ULBP1: variants seen among roughly 807,000 people sequenced by gnomAD.
ULBP1 encodes the protein UL16-binding protein 1.
ULBP1 carries 28 observed loss-of-function variants against 25.3 expected under a neutral mutation model. The observed-to-expected ratio is 1.10, with a 90% CI of 0.82 to 1.51. ULBP1 has a LOEUF of 1.51. Among genes scored for constraint, ULBP1 ranks in the 40% most tolerant of loss-of-function variants. The pLI, the probability that ULBP1 is intolerant of heterozygous loss-of-function variation, is 0.00. For missense variants in ULBP1, 348 were observed against 290.9 expected, an observed-to-expected ratio of 1.20 and a Z score of -1.43; for synonymous variants, 129 against 103.0, an observed-to-expected ratio of 1.25 and a Z score of -1.53.
At position 149,970,052 on chromosome 6, in the gene ULBP1, A is replaced by G; in HGVS notation, c.662A>G (p.Lys221Arg). 1 of 1,613,602 alleles carries G rather than the reference A, an allele frequency of 6.2e-7. No individual in the cohort carries two copies. Among genetic ancestry groups the G allele is most frequent in the Non-Finnish European group, 8.5e-7 (1 of 1,179,820 alleles). ...CTGGCCCCAGGCACAACCCAACCCA[A>G]GGCCATGGCCACCACCCTCAGTCCC... is the stretch of plus-strand genomic sequence containing the variant. ...PSLAPGTTQP[K>R]AMATTLSPWS... Residue 221 changes from lysine (K) to arginine (R), a missense_variant, in exon 4 of 5, where the codon AAG (lysine) becomes AGG (arginine). By Grantham distance (26) the Lys-to-Arg change is conservative (BLOSUM62 2). Transcript: ENST00000229708.
Position 149,970,147 on chromosome 6 carries a change from G to A in ULBP1, c.*22G>A, listed in dbSNP as rs148991652. On this transcript the variant is annotated splice_region_variant and 3_prime_UTR_variant, in exon 4 of 5. Coordinates refer to ENST00000229708, the MANE Select transcript of ULBP1 (RefSeq NM_025218.4). ...ATGAGGAGAGTTGTTTAGAGTGACA[G>A]GTACTGTGGGCAATATTGGGAGGGG... 1.8e-3 allele frequency: 2,888 copies of A among 1,582,538 alleles called. 2 individuals carry two copies. Among genetic ancestry groups the A allele is most frequent in the Non-Finnish European group, 2.4e-3 (2,743 of 1,163,592 alleles).
chr6:149,965,631 C>CTGCTA (rs1218457049), intron 1 of ULBP1, among the ~76,000 whole-genome samples: 3 of 152,172 alleles, frequency 2.0e-5, no homozygotes, highest in Non-Finnish European at 4.4e-5. Context: ...AGCCACAGCC[C>CTGCTA]TGCTCTGCTC....
rs117856701 is a variant in ULBP1 at position 149,967,582 on chromosome 6, T to C, written c.86-1025T>C. 5.0e-3 allele frequency among the ~76,000 whole-genome samples: 768 copies of C among 152,350 alleles called. 4 individuals are homozygous for C. The highest frequency in any genetic ancestry group is 0.011 in the Admixed American group (165 of 15,310). ...TGTTGTAATTATTTATATCTAGCAG[T>C]ATCCGGGTTGAGTTTCCATTTCTTT... On this transcript the variant is annotated intron_variant, in intron 1 of 4. Coordinates refer to ENST00000229708, the MANE Select transcript of ULBP1 (RefSeq NM_025218.4).
Position 149,968,698 on chromosome 6 carries a change from G to C in ULBP1, c.177G>C (p.Arg59Ser), listed in dbSNP as rs575290293. 2.5e-6 allele frequency: 4 copies of C among 1,614,228 alleles called. No individual in the cohort carries two copies. In the African/African-American group the frequency reaches 4.0e-5, roughly 16 times the overall value. The change falls in exon 2 of 5, where the codon AGG becomes AGC. Residue 59 changes from arginine (R) to serine (S), a missense_variant. Arg to Ser is a moderately radical substitution (Grantham distance 110). Coordinates refer to ENST00000229708, the MANE Select transcript of ULBP1 (RefSeq NM_025218.4). ...AAGTTCAAGGCCTGGTGGATGAAAG[G>C]CCTTTTCTTCACTATGACTGTGTTA... ...WCEVQGLVDE[R>S]PFLHYDCVNH...
rs777983411 is a variant in ULBP1, at chr6:149,969,266, T to C, written c.531T>C (p.Asp177=). 4 of 1,614,260 alleles carry C rather than the reference T, an allele frequency of 2.5e-6. No homozygotes were observed. In the East Asian group the frequency reaches 6.7e-5, roughly 27 times the overall value. ...CAGAGAAGTGGGAGAAGAACAGGGATGTGACCATGTTCTTCCAGAAGATTT... is the reference window on the plus strand; with the variant it reads ...CAGAGAAGTGGGAGAAGAACAGGGACGTGACCATGTTCTTCCAGAAGATTT... ...KMTEKWEKNR[D]VTMFFQKISL... is the part of the protein sequence containing the mutation. The change falls in exon 3 of 5, where the codon GAT becomes GAC. Residue 177 remains aspartate, a synonymous_variant. Coordinates refer to ENST00000229708, the MANE Select transcript of ULBP1 (RefSeq NM_025218.4).
At chr6:149,964,970 T>C (rs1278275027) in intron 1 of ULBP1, among the ~76,000 whole-genome samples, 5 of 142,688 alleles carry the variant, frequency 3.5e-5, no homozygotes, top group Non-Finnish European at 6.1e-5. Context: ...TCGCCGAACA[T>C]GCCCGGCTGA....
At chr6:149,969,928 G>A in intron 3 of ULBP1, 88 bp from the exon 4 acceptor site, 1 of 1,502,588 alleles carries the variant, frequency 6.7e-7, no homozygotes, top group Middle Eastern at 1.7e-4. Context: ...CTGCCTTCCA[G>A]GATGACCTGG....
chr6:149,967,842 A>T (rs1453393235), intron 1 of ULBP1, among the ~76,000 whole-genome samples: 1 of 152,118 alleles, frequency 6.6e-6, no homozygotes, highest in African/African-American at 2.4e-5. Context: ...AGCAACAGGC[A>T]TTCCTGGGCT....
chr6:149,967,725 C>G (rs1395769591), intron 1 of ULBP1, among the ~76,000 whole-genome samples: 3 of 152,136 alleles, frequency 2.0e-5, no homozygotes, highest in Admixed American at 1.3e-4. Flanking sequence ...TTCCTGCTGA[C>G]AGTTGACGGC....
rs375421849 is a variant in ULBP1 at position 149,968,682 on chromosome 6, G to T, written c.161G>T (p.Gly54Val). 1.9e-6 allele frequency: 3 copies of T among 1,614,006 alleles called. No individual in the cohort carries two copies. Among genetic ancestry groups the T allele is most frequent in the African/African-American group, 1.3e-5 (1 of 74,890 alleles). Residue 54 changes from glycine (G) to valine (V), a missense_variant, in exon 2 of 5, where the codon GGC (glycine) becomes GTC (valine). Gly to Val is a moderately radical substitution (Grantham distance 109). Transcript: ENST00000229708. ...GAACCACAGTGGTGTGAAGTTCAAG[G>T]CCTGGTGGATGAAAGGCCTTTTCTT... ...RPEPQWCEVQ[G>V]LVDERPFLHY... is the part of the protein sequence containing the mutation.
intron 1 of ULBP1, among the ~76,000 whole-genome samples, chr6:149,968,102 G>T (rs1273322692): frequency 6.6e-6 from 1 of 152,200 alleles, no homozygotes; most frequent in Non-Finnish European, 1.5e-5. Flanking sequence ...GCTCATAGCA[G>T]ATGGGCATCT....
chr6:149,965,204 CGA>C (rs1390875804), intron 1 of ULBP1, among the ~76,000 whole-genome samples: 10,793 of 130,558 alleles, frequency 0.083, 1,713 homozygotes, highest in African/African-American at 0.22. Flanking sequence ...CCGAACATCG[CGA>C]TCCCCCAGAA....
chr6:149,972,238 T>C lies in ULBP1; in HGVS notation c.*892T>C, dbSNP rs1266006349. The C allele has an allele frequency of 6.6e-6, 1 of 152,088 alleles. No individual in the cohort carries two copies. The highest frequency in any genetic ancestry group is 1.9e-4 in the East Asian group (1 of 5,194). The allele number at this position is 152,088 out of a possible 1,614,324, so 9.4% of individuals were successfully genotyped here. ...ACACCTACCGCCATCTAATCTTCAA[T>C]AGAAATGGGCAATGTGGGAAAGACT... On this transcript the variant is annotated 3_prime_UTR_variant, in exon 5 of 5. Coordinates refer to ENST00000229708, the MANE Select transcript of ULBP1 (RefSeq NM_025218.4).
In ULBP1 at chr6:149,969,281, C is replaced by G. The variant is rs371798942; in HGVS notation, c.546C>G (p.Phe182Leu). 1 of 1,614,064 alleles carries G rather than the reference C, an allele frequency of 6.2e-7. No individual in the cohort carries two copies. The highest frequency in any genetic ancestry group is 8.5e-7 in the Non-Finnish European group (1 of 1,180,042). ...AGAACAGGGATGTGACCATGTTCTT[C>G]CAGAAGATTTCACTGGGGGATTGTA... ...WEKNRDVTMF[F>L]QKISLGDCKM... Residue 182 changes from phenylalanine to leucine, a missense_variant, in exon 3 of 5, where the codon TTC (phenylalanine) becomes TTG (leucine). Transcript: ENST00000229708.
At chr6:149,968,288 C>T (rs1446612643) in intron 1 of ULBP1, among the ~76,000 whole-genome samples, 5 of 152,232 alleles carry the variant, frequency 3.3e-5, no homozygotes, top group East Asian at 1.9e-4. Context: ...TCCTCCTCAT[C>T]CAGGCCTTTT....
At chr6:149,965,074 A>G (rs1779178201) in intron 1 of ULBP1, among the ~76,000 whole-genome samples, 1 of 143,258 alleles carries the variant, frequency 7.0e-6, no homozygotes, top group Admixed American at 7.1e-5. Flanking sequence ...TGGGTGGACC[A>G]GCGCGATCTC....
intron 1 of ULBP1, among the ~76,000 whole-genome samples, chr6:149,966,337 G>C (rs1779204349): frequency 6.6e-6 from 1 of 151,888 alleles, no homozygotes; most frequent in South Asian, 2.1e-4. Context: ...CATCCCCTAG[G>C]GTGTCATCTC....
intron 1 of ULBP1, among the ~76,000 whole-genome samples, chr6:149,966,447 G>A (rs1582824460): frequency 6.6e-6 from 1 of 152,150 alleles, no homozygotes; most frequent in South Asian, 2.1e-4. Flanking sequence ...CTATGGTTCT[G>A]GGCCTACTGC....
chr6:149,969,057 C>T (rs375242081), intron 2 of ULBP1, 28 bp from the exon 3 acceptor site: 4 of 1,610,102 alleles, frequency 2.5e-6, no homozygotes, highest in African/African-American at 2.7e-5. Context: ...TTGTCAAGAT[C>T]AGAGCTGATC....
Sources: allele counts gnomAD v4.1 joint callset (sites outside exome capture counted in the v4.1 genomes callset), GRCh38; gene constraint gnomAD v4.1.1; transcripts MANE v1.5; gene names NCBI Gene and HGNC (gene_info 2026-07-23, HGNC 2026-07-21).